C11orf65: variants seen among roughly 807,000 people sequenced by gnomAD.
C11orf65 encodes the protein chromosome 11 open reading frame 65, also known as protein MFI.
Under a neutral mutation model 35.3 loss-of-function variants are expected in C11orf65, and 38 were observed. That is an observed-to-expected ratio of 1.08 (90% CI 0.83 to 1.41). The LOEUF is 1.41. Ranked by LOEUF, C11orf65 falls within the 40% of genes most tolerant of loss-of-function variation. The pLI, the probability that C11orf65 is intolerant of heterozygous loss-of-function variation, is 0.00. For synonymous variants in C11orf65, 105 were observed against 114.4 expected (o/e 0.92, Z 0.53); for missense variants, 370 against 367.1 (o/e 1.01, Z -0.06).
At chr11:108,415,889 C>T (rs2092723360) in intron 3 of C11orf65, among the ~76,000 whole-genome samples, 1 of 152,014 alleles carries the variant, frequency 6.6e-6, no homozygotes, top group Non-Finnish European at 1.5e-5. Context: ...GGTGCTGGAA[C>T]ACCATTTGGA....
At chr11:108,359,005 T>C (rs942929985) in intron 2 of C11orf65, among the ~76,000 whole-genome samples, 3 of 151,578 alleles carry the variant, frequency 2.0e-5, no homozygotes, top group African/African-American at 4.8e-5. Context: ...ACTGGCAAAT[T>C]GGATAAAGAG....
At chr11:108,442,353 T>C (rs113843784) in intron 2 of C11orf65, among the ~76,000 whole-genome samples, 2,918 of 152,272 alleles carry the variant, frequency 0.019, 92 homozygotes, top group African/African-American at 0.066. Flanking sequence ...GTCTGATTGG[T>C]GTACCTGAAA....
intron 6 of C11orf65, among the ~76,000 whole-genome samples, chr11:108,313,643 T>C (rs1257448500): frequency 1.3e-5 from 2 of 152,214 alleles, no homozygotes; most frequent in African/African-American, 4.8e-5. Context: ...TCCTCTCTAC[T>C]GAGTTTTTGG....
chr11:108,362,566 T>C (rs1370160817), intron 2 of C11orf65, among the ~76,000 whole-genome samples: 1 of 149,394 alleles, frequency 6.7e-6, no homozygotes, highest in Admixed American at 6.7e-5. Flanking sequence ...CCAACAATGA[T>C]AGACTGGATT....
intron 2 of C11orf65, chr11:108,364,951 C>A (rs1217077562): frequency 4.2e-6 from 4 of 956,142 alleles, no homozygotes; most frequent in Non-Finnish European, 4.8e-6. Flanking sequence ...ATGAAGTGTG[C>A]ATGATGTTTG....
At chr11:108,444,613 A>T (rs1180246882) in intron 2 of C11orf65, among the ~76,000 whole-genome samples, 3 of 152,194 alleles carry the variant, frequency 2.0e-5, no homozygotes, top group East Asian at 3.9e-4. Flanking sequence ...CAAAAAGCTT[A>T]TCCACAGGGT....
intron 2 of C11orf65, among the ~76,000 whole-genome samples, chr11:108,448,871 A>T (rs975688356): frequency 2.0e-5 from 3 of 152,230 alleles, no homozygotes; most frequent in African/African-American, 4.8e-5. Context: ...ACATGATTGT[A>T]TATCTAGAAA....
intron 3 of C11orf65, among the ~76,000 whole-genome samples, chr11:108,409,555 G>A (rs1008591965): frequency 6.6e-6 from 1 of 152,026 alleles, no homozygotes; most frequent in African/African-American, 2.4e-5. Context: ...TGCTCTTGTC[G>A]TGATGCTGGG....
chr11:108,339,841 CA>C (rs1429857023), intron 2 of C11orf65, among the ~76,000 whole-genome samples: 4 of 152,088 alleles, frequency 2.6e-5, no homozygotes, highest in Non-Finnish European at 5.9e-5. Flanking sequence ...GATCAAGCAT[CA>C]GGGGTCACAG....
chr11:108,409,340 T>C (rs2092614620), intron 3 of C11orf65, among the ~76,000 whole-genome samples: 1 of 152,186 alleles, frequency 6.6e-6, no homozygotes, highest in South Asian at 2.1e-4. Context: ...GTTATAACAA[T>C]CATTTCTCTT....
chr11:108,424,867 C>T (rs938519146), intron 3 of C11orf65, among the ~76,000 whole-genome samples: 19 of 152,176 alleles, frequency 1.2e-4, no homozygotes, highest in African/African-American at 4.6e-4. Flanking sequence ...CAAAACTGCA[C>T]AACTACATGG....
At chr11:108,436,835 G>GA (rs764915098) in intron 2 of C11orf65, among the ~76,000 whole-genome samples, 3 of 151,982 alleles carry the variant, frequency 2.0e-5, no homozygotes, top group Admixed American at 1.3e-4. Flanking sequence ...GCTGAGGGGG[G>GA]AAAAATCCCA....
intron 2 of C11orf65, among the ~76,000 whole-genome samples, chr11:108,369,806 G>C (rs2091501103): frequency 6.6e-6 from 1 of 152,140 alleles, no homozygotes; most frequent in South Asian, 2.1e-4. Context: ...TTGTTATTTT[G>C]ATGGGAACAA....
chr11:108,430,041 T>A (rs1488297231), intron 3 of C11orf65, among the ~76,000 whole-genome samples: 3 of 151,916 alleles, frequency 2.0e-5, no homozygotes, highest in African/African-American at 7.3e-5. Flanking sequence ...TTTTGTAAGA[T>A]GAAAAGATTT....
chr11:108,362,700 CA>C (rs1314546833), intron 2 of C11orf65, among the ~76,000 whole-genome samples: 1 of 142,958 alleles, frequency 7.0e-6, no homozygotes, highest in Non-Finnish European at 1.5e-5. Context: ...ATCGCAAGAA[CA>C]AAAAACCAAA....
At chr11:108,329,254 C>T, downstream of C11orf65, 1 of 1,595,176 alleles carries the variant, frequency 6.3e-7, no homozygotes, top group South Asian at 1.1e-5. Flanking sequence ...TAGGTTTCTA[C>T]AAGTGACAAT....
chr11:108,310,338 G>GT, intron 6 of C11orf65: 1 of 1,604,716 alleles, frequency 6.2e-7, no homozygotes, highest in Non-Finnish European at 8.5e-7. Flanking sequence ...AGAATTTTTG[G>GT]TTTTTAAAAT....
At chr11:108,455,413 C>T (rs2093399589) in intron 2 of C11orf65, among the ~76,000 whole-genome samples, 1 of 152,054 alleles carries the variant, frequency 6.6e-6, no homozygotes, top group African/African-American at 2.4e-5. Flanking sequence ...ACTCAACATA[C>T]AAAAATCAAT....
At chr11:108,329,416 T>G (rs951219574), downstream of C11orf65, 103 of 605,526 alleles carry the variant, frequency 1.7e-4, no homozygotes, top group Middle Eastern at 4.6e-4. Flanking sequence ...GTTTTTTGTT[T>G]TTTTTTTTGA....
Sources: gnomAD v4.1 joint callset for allele counts (sites outside exome capture counted in the v4.1 genomes callset) on GRCh38, gnomAD v4.1.1 for gene constraint, MANE v1.5 for transcripts, NCBI Gene and HGNC (gene_info 2026-07-23, HGNC 2026-07-21) for gene names.